Variants in ADGRL3 observed in about 807,000 individuals in gnomAD.
The protein encoded by ADGRL3 is adhesion G protein-coupled receptor L3.
A neutral mutation model predicts 153.5 loss-of-function variants in ADGRL3; 62 were observed. The observed-to-expected ratio is 0.40, with a 90% CI of 0.33 to 0.50. The LOEUF is 0.50. Ranked by LOEUF, ADGRL3 falls within the 20% of genes least tolerant of loss-of-function variation. ADGRL3 has a pLI of 0.47. For synonymous variants in ADGRL3, 710 were observed against 672.5 expected (o/e 1.06, Z -0.86); for missense variants, 1,641 against 1,859.4 (o/e 0.88, Z 2.16).
At chr4:61,406,894 A>G (rs573419114) in intron 2 of ADGRL3, among the ~76,000 whole-genome samples, 98 of 152,190 alleles carry the variant, frequency 6.4e-4, no homozygotes, top group Non-Finnish European at 1.2e-3. Context: ...TAATAACAGT[A>G]TGCTACATAC....
At chr4:61,965,310 T>C (rs2099002317) in intron 17 of ADGRL3, among the ~76,000 whole-genome samples, 1 of 152,174 alleles carries the variant, frequency 6.6e-6, no homozygotes, top group South Asian at 2.1e-4. Context: ...TTTTCTGGCC[T>C]ATTTCATTTG....
chr4:62,048,841 C>T (rs189349233), intron 25 of ADGRL3, among the ~76,000 whole-genome samples: 1 of 152,220 alleles, frequency 6.6e-6, no homozygotes, highest in East Asian at 1.9e-4. Flanking sequence ...ACAAGAGCCT[C>T]TGTGCCTAGC....
chr4:62,062,695 T>C (rs1385434584), intron 25 of ADGRL3, among the ~76,000 whole-genome samples: 1 of 152,058 alleles, frequency 6.6e-6, no homozygotes, highest in Admixed American at 6.6e-5. Flanking sequence ...ACAAAAAGTA[T>C]TAACAAAAGG....
rs1452512303 is a variant in ADGRL3, at chr4:62,076,424, G to C, written c.*5516G>C. ...CTATACATGAACAAATCTCTATTGG[G>C]ATAAACAAGTCTCTTCAACCACAAT... On this transcript the variant is annotated 3_prime_UTR_variant, in exon 27 of 27. Coordinates refer to ENST00000683033, the MANE Select transcript of ADGRL3 (RefSeq NM_001387552.1). 1 of 151,986 alleles carries C rather than the reference G, an allele frequency of 6.6e-6. No homozygotes were observed. The highest frequency in any genetic ancestry group is 6.6e-5 in the Admixed American group (1 of 15,256). 9.4% of individuals were successfully genotyped at this position (151,986 alleles called of 1,614,324 possible).
At chr4:61,748,215 A>T (rs1399582563) in intron 8 of ADGRL3, among the ~76,000 whole-genome samples, 1 of 152,268 alleles carries the variant, frequency 6.6e-6, no homozygotes, top group African/African-American at 2.4e-5. Flanking sequence ...AAGAGAATAC[A>T]ATCAAATGGA....
chr4:61,340,694 C>T (rs559399667), intron 1 of ADGRL3, among the ~76,000 whole-genome samples: 1 of 152,074 alleles, frequency 6.6e-6, no homozygotes, highest in East Asian at 1.9e-4. Flanking sequence ...CAGACTTTTC[C>T]TTTAAAGCCT....
chr4:62,010,822 T>G (rs1189537353), intron 21 of ADGRL3, among the ~76,000 whole-genome samples: 2 of 152,114 alleles, frequency 1.3e-5, no homozygotes, highest in African/African-American at 4.8e-5. Context: ...AGAATCCAGT[T>G]ATGATTCAGG....
In ADGRL3 at chr4:61,847,594, A is replaced by C. The variant is rs1249560250; in HGVS notation, c.1480+33705A>C. On this transcript the variant is annotated intron_variant, in intron 9 of 26. Transcript: ENST00000683033. ...ATTAAGTGTGTGTGTGTGTATATAT[A>C]TATAATATATAATATATTATATATA... 2.3e-5 allele frequency among the ~76,000 whole-genome samples: 2 copies of C among 85,674 alleles called. 1 individual carries two copies. The highest frequency in any genetic ancestry group is 4.2e-5 in the Non-Finnish European group (2 of 48,114). 56.2% of individuals were successfully genotyped at this position (85,674 alleles called of 152,430 possible).
chr4:61,289,098 G>A (rs1359341935), intron 1 of ADGRL3, among the ~76,000 whole-genome samples: 1 of 151,924 alleles, frequency 6.6e-6, no homozygotes, highest in East Asian at 1.9e-4. Flanking sequence ...ATGTAGCACA[G>A]CGGAGGAATT....
intron 1 of ADGRL3, among the ~76,000 whole-genome samples, chr4:61,335,670 G>T (rs2095660301): frequency 6.6e-6 from 1 of 152,078 alleles, no homozygotes; most frequent in Non-Finnish European, 1.5e-5. Flanking sequence ...TGAGGAAATA[G>T]GAATAAATGT....
At chr4:61,707,085 A>G (rs28718725) in intron 6 of ADGRL3, among the ~76,000 whole-genome samples, 108,272 of 152,090 alleles carry the variant, frequency 0.71, 39,745 homozygotes, top group East Asian at 0.93. Context: ...AAGAAGGGGA[A>G]AGGGAGAGAG....
intron 4 of ADGRL3, among the ~76,000 whole-genome samples, chr4:61,532,548 G>A (rs972874799): frequency 1.0e-5 from 1 of 96,364 alleles, no homozygotes; most frequent in African/African-American, 3.6e-5. Flanking sequence ...GCGCGCGCGC[G>A]CGCGCGCGTG....
intron 2 of ADGRL3, among the ~76,000 whole-genome samples, chr4:61,414,102 G>A (rs1162790996): frequency 2.6e-5 from 4 of 152,130 alleles, no homozygotes; most frequent in African/African-American, 9.7e-5. Flanking sequence ...AACTCTGTAG[G>A]AAAATGAAAC....
At chr4:61,242,962 G>T (rs1755603820) in intron 1 of ADGRL3, among the ~76,000 whole-genome samples, 1 of 152,038 alleles carries the variant, frequency 6.6e-6, no homozygotes, top group South Asian at 2.1e-4. Context: ...GCTTTAAGGA[G>T]TCTATTTGTA....
intron 3 of ADGRL3, among the ~76,000 whole-genome samples, chr4:61,498,303 C>G (rs1000787397): frequency 1.3e-5 from 2 of 152,092 alleles, no homozygotes; most frequent in African/African-American, 4.8e-5. Flanking sequence ...GTAACCCCAG[C>G]ACTTTAGGAG....
intron 8 of ADGRL3, among the ~76,000 whole-genome samples, chr4:61,792,770 TG>T (rs2097359197): frequency 6.6e-6 from 1 of 151,974 alleles, no homozygotes; most frequent in South Asian, 2.1e-4. Context: ...TTACAGGCAT[TG>T]GCCACAGTGC....
At chr4:61,954,060 C>G (rs2098957231) in intron 17 of ADGRL3, among the ~76,000 whole-genome samples, 1 of 152,076 alleles carries the variant, frequency 6.6e-6, no homozygotes, top group Non-Finnish European at 1.5e-5. Flanking sequence ...TCATGACTCT[C>G]ACATATTTCT....
intron 1 of ADGRL3, among the ~76,000 whole-genome samples, chr4:61,218,075 A>AAG (rs1299605361): frequency 6.6e-6 from 1 of 152,232 alleles, no homozygotes; most frequent in Non-Finnish European, 1.5e-5. Context: ...TGTAATGATA[A>AAG]AGATTATTTC....
intron 17 of ADGRL3, among the ~76,000 whole-genome samples, chr4:61,963,955 G>T (rs984159789): frequency 2.0e-5 from 3 of 152,306 alleles, no homozygotes; most frequent in African/African-American, 7.2e-5. Context: ...GGCCCAGAGT[G>T]TCTCAAGACC....
Sources: allele counts gnomAD v4.1 joint callset (sites outside exome capture counted in the v4.1 genomes callset), GRCh38; gene constraint gnomAD v4.1.1; transcripts MANE v1.5; gene names NCBI Gene and HGNC (gene_info 2026-07-23, HGNC 2026-07-21).